The following GCNT2 variants were observed in gnomAD, a reference collection of about 807,000 sequenced individuals.
GCNT2 encodes the protein N-acetyllactosaminide beta-1,6-N-acetylglucosaminyl-transferase.
In GCNT2, 34 loss-of-function variants were observed where a neutral mutation model predicts 34.2. That is an observed-to-expected ratio of 1.00 (90% CI 0.76 to 1.32). The LOEUF is 1.32. GCNT2 is among the 40% of genes most tolerant of loss of function. The pLI is 0.00. For synonymous variants in GCNT2, 212 were observed against 188.0 expected (o/e 1.13, Z -1.04); for missense variants, 584 against 489.4 (o/e 1.19, Z -1.82).
At chr6:10,547,058 A>G (rs1348176428) in intron 3 of GCNT2, among the ~76,000 whole-genome samples, 2 of 152,188 alleles carry the variant, frequency 1.3e-5, no homozygotes, top group Non-Finnish European at 2.9e-5. Flanking sequence ...AACTAGTTCA[A>G]ACTTACTATA....
chr6:10,578,390 G>GT (rs1231641800), intron 3 of GCNT2, among the ~76,000 whole-genome samples: 8 of 83,474 alleles, frequency 9.6e-5, no homozygotes, highest in Non-Finnish European at 1.9e-4. Context: ...CTGTCTAAAA[G>GT]TAAAAAAAAA....
At chr6:10,614,642 A>AG (rs201855555) in intron 3 of GCNT2, among the ~76,000 whole-genome samples, 2,049 of 147,674 alleles carry the variant, frequency 0.014, 63 homozygotes, top group African/African-American at 0.05. Flanking sequence ...AAAAAAAAAA[A>AG]AAAGAGAAAA....
intron 3 of GCNT2, among the ~76,000 whole-genome samples, chr6:10,601,951 AAAAAAAAAAC>A (rs1198157814): frequency 7.6e-4 from 113 of 149,232 alleles, no homozygotes; most frequent in African/African-American, 2.6e-3. Context: ...AAGAAAAAAA[AAAAAAAAAAC>A]AAAAAAAACA....
At chr6:10,547,792 CTATTAGGTAGAGCCATCCCT>C (rs1243142382) in intron 3 of GCNT2, among the ~76,000 whole-genome samples, 1 of 152,138 alleles carries the variant, frequency 6.6e-6, no homozygotes, top group African/African-American at 2.4e-5. Context: ...TGACATTCAA[CTATTAGGTAGAGCCATCCCT>C]TCTCCTGTGT....
At chr6:10,552,615 C>A (rs992218681) in intron 3 of GCNT2, among the ~76,000 whole-genome samples, 1 of 152,056 alleles carries the variant, frequency 6.6e-6, no homozygotes, top group African/African-American at 2.4e-5. Context: ...AAAGGCTGTG[C>A]ATAGGTTATA....
intron 3 of GCNT2, among the ~76,000 whole-genome samples, chr6:10,599,833 C>G (rs975888923): frequency 1.3e-5 from 2 of 152,100 alleles, no homozygotes; most frequent in Admixed American, 1.3e-4. Context: ...AATTCTAAAG[C>G]CAAGAGCATC....
intron 3 of GCNT2, among the ~76,000 whole-genome samples, chr6:10,589,159 CGTGTGGTGTGT>C (rs1183581498): frequency 2.7e-4 from 13 of 48,924 alleles, no homozygotes; most frequent in Non-Finnish European, 5.7e-4. Flanking sequence ...GGTGTGTGTG[CGTGTGGTGTGT>C]GTGTGGTGTA....
At chr6:10,596,939 T>G (rs1349522918) in intron 3 of GCNT2, among the ~76,000 whole-genome samples, 1 of 152,140 alleles carries the variant, frequency 6.6e-6, no homozygotes, top group Non-Finnish European at 1.5e-5. Flanking sequence ...CCTCGTTACT[T>G]TGCATGAGGT....
chr6:10,591,221 A>G (rs533095619), intron 3 of GCNT2, among the ~76,000 whole-genome samples: 19 of 152,298 alleles, frequency 1.2e-4, no homozygotes, highest in African/African-American at 4.1e-4. Context: ...ATGCATCACT[A>G]TGCACCTGCC....
chr6:10,537,493 A>G (rs13195149), intron 3 of GCNT2, among the ~76,000 whole-genome samples: 68,898 of 151,716 alleles, frequency 0.45, 15,966 homozygotes, highest in South Asian at 0.64. Flanking sequence ...TAGAGGTCAG[A>G]AGTTTGAGAC....
At chr6:10,619,380 TTC>T (rs1692836983) in intron 3 of GCNT2, 1 of 152,086 alleles carries the variant, frequency 6.6e-6, no homozygotes, top group South Asian at 2.1e-4. Context: ...GATGGTGTCT[TTC>T]TGTGTTGCCT....
rs148841383 is a variant in GCNT2, at chr6:10,576,540, A to C, written c.926-44811A>C. Among the ~76,000 whole-genome samples, 197 of 152,292 alleles carry C rather than the reference A, an allele frequency of 1.3e-3. 1 individual carries two copies. The highest frequency in any genetic ancestry group is 3.5e-4 in the Non-Finnish European group (24 of 68,030). ...TAGTTAATTAAAAAAACAAAAATCT[A>C]TTCAAGGAGGCTGGAATTCAGGATC... On this transcript the variant is annotated intron_variant, in intron 3 of 4. Coordinates refer to ENST00000495262, the MANE Select transcript of GCNT2 (RefSeq NM_145649.5).
intron 3 of GCNT2, among the ~76,000 whole-genome samples, chr6:10,584,629 TC>T (rs755823391): frequency 6.6e-6 from 1 of 152,200 alleles, no homozygotes; most frequent in Non-Finnish European, 1.5e-5. Context: ...CCTGCGGCCT[TC>T]CGCAGTGCAT....
At chr6:10,621,966 G>A (rs1766055763) in intron 4 of GCNT2, among the ~76,000 whole-genome samples, 1 of 152,128 alleles carries the variant, frequency 6.6e-6, no homozygotes, top group African/African-American at 2.4e-5. Context: ...CCATCAGGAG[G>A]AGAAGTGATG....
intron 3 of GCNT2, among the ~76,000 whole-genome samples, chr6:10,581,288 G>A (rs1764058814): frequency 6.6e-6 from 1 of 151,708 alleles, no homozygotes; most frequent in Non-Finnish European, 1.5e-5. Context: ...TTTATTTTTT[G>A]AGATGGAGTT....
chr6:10,555,490 CCT>C (rs973272635), intron 3 of GCNT2, among the ~76,000 whole-genome samples: 2 of 152,278 alleles, frequency 1.3e-5, no homozygotes, highest in East Asian at 1.9e-4. Flanking sequence ...CACCAAATCC[CCT>C]GTCTGAGCAT....
chr6:10,597,546 T>A (rs868257881), intron 3 of GCNT2, among the ~76,000 whole-genome samples: 27 of 152,088 alleles, frequency 1.8e-4, no homozygotes, highest in South Asian at 2.1e-4. Flanking sequence ...CTTGCTAACA[T>A]TTCTTTTCAA....
At chr6:10,590,414 T>C (rs1764579527) in intron 3 of GCNT2, among the ~76,000 whole-genome samples, 1 of 142,712 alleles carries the variant, frequency 7.0e-6, no homozygotes, top group Non-Finnish European at 1.5e-5. Flanking sequence ...AAAAAAAAAA[T>C]GCTAGGCTTA....
At chr6:10,615,263 G>T (rs181611121) in intron 3 of GCNT2, among the ~76,000 whole-genome samples, 10 of 152,266 alleles carry the variant, frequency 6.6e-5, no homozygotes, top group Admixed American at 2.6e-4. Context: ...GAATCTTCTG[G>T]GGATTTTGTG....
Sources: gnomAD v4.1 joint callset for allele counts (sites outside exome capture counted in the v4.1 genomes callset) on GRCh38, gnomAD v4.1.1 for gene constraint, MANE v1.5 for transcripts, NCBI Gene and HGNC (gene_info 2026-07-23, HGNC 2026-07-21) for gene names.